The following EPHA3 variants were observed in gnomAD, a reference collection of about 807,000 sequenced individuals.
EPHA3 encodes EPH receptor A3, also known as ephrin type-A receptor 3.
Under a neutral mutation model 107.1 loss-of-function variants are expected in EPHA3, and 42 were observed. The observed-to-expected ratio is 0.39, with a 90% CI of 0.31 to 0.51. The LOEUF (loss-of-function observed/expected upper bound fraction) is 0.51, where lower values mean the gene tolerates loss of function less well. Among genes scored for constraint, EPHA3 ranks in the 20% least tolerant of loss-of-function variants. EPHA3 has a pLI of 0.78. For missense variants in EPHA3, 1,183 were observed against 1,211.2 expected, an observed-to-expected ratio of 0.98 and a Z score of 0.35; for synonymous variants, 461 against 424.8, an observed-to-expected ratio of 1.09 and a Z score of -1.05.
At chr3:89,468,605 C>A (rs1471975577) in intron 15 of EPHA3, among the ~76,000 whole-genome samples, 1 of 152,210 alleles carries the variant, frequency 6.6e-6, no homozygotes, top group Non-Finnish European at 1.5e-5. Context: ...GACAGAGAAA[C>A]TGTGGCGTGT....
chr3:89,193,374 G>A (rs1267086348), intron 2 of EPHA3, among the ~76,000 whole-genome samples: 1 of 151,912 alleles, frequency 6.6e-6, no homozygotes, highest in Non-Finnish European at 1.5e-5. Flanking sequence ...GGGAACAATT[G>A]TTACAATTTG....
intron 2 of EPHA3, among the ~76,000 whole-genome samples, chr3:89,144,438 C>G (rs1360746552): frequency 1.3e-5 from 2 of 151,670 alleles, no homozygotes; most frequent in Non-Finnish European, 2.9e-5. Context: ...ACAAAAGAAG[C>G]CTCTGTCCTT....
intron 1 of EPHA3, among the ~76,000 whole-genome samples, chr3:89,111,564 A>C (rs754264186): frequency 6.9e-6 from 1 of 144,564 alleles, no homozygotes; most frequent in Non-Finnish European, 1.5e-5. Context: ...AGGTAGGAGA[A>C]ACCTTATTTT....
chr3:89,130,704 G>C (rs1311915186), intron 2 of EPHA3, among the ~76,000 whole-genome samples: 3 of 150,194 alleles, frequency 2.0e-5, no homozygotes, highest in East Asian at 2.0e-4. Context: ...GCGCGATCTC[G>C]GCTCACTGCA....
In EPHA3 at chr3:89,356,353, ATGGAATGGCTGGG is replaced by A. The variant is rs1464633767; in HGVS notation, c.1306+14265_1306+14277del. Among the ~76,000 whole-genome samples, 13 of 150,990 alleles carry A rather than the reference ATGGAATGGCTGGG, an allele frequency of 8.6e-5. No individual in the cohort carries two copies. In the Admixed American group the frequency reaches 8.6e-4, roughly 10 times the overall value. The stretch of plus-strand genomic sequence containing the variant: ...TAGTCCTTTGGGTATATACCCAGTA[ATGGAATGGCTGGG>A]TCAAATGGTATTTCTAGTTCTAGAT... On this transcript the variant is annotated intron_variant, in intron 5 of 16. Coordinates refer to ENST00000336596, the MANE Select transcript of EPHA3 (RefSeq NM_005233.6).
chr3:89,354,624 A>G (rs1049891893), intron 5 of EPHA3, among the ~76,000 whole-genome samples: 1 of 151,250 alleles, frequency 6.6e-6, no homozygotes, highest in African/African-American at 2.4e-5. Flanking sequence ...GCACCAAAGT[A>G]AAAGAATGCC....
chr3:89,375,462 T>C (rs1237754975), intron 5 of EPHA3, among the ~76,000 whole-genome samples: 2 of 151,674 alleles, frequency 1.3e-5, no homozygotes, highest in Non-Finnish European at 2.9e-5. Flanking sequence ...TGTGGGAAAC[T>C]GGAGCTTAAT....
At chr3:89,112,414 C>T (rs1172404344) in intron 1 of EPHA3, among the ~76,000 whole-genome samples, 1 of 151,734 alleles carries the variant, frequency 6.6e-6, no homozygotes, top group Non-Finnish European at 1.5e-5. Context: ...TTATGTATTG[C>T]CTACATTTAA....
chr3:89,347,634 A>G (rs1707703691), intron 5 of EPHA3, among the ~76,000 whole-genome samples: 1 of 150,618 alleles, frequency 6.6e-6, no homozygotes, highest in Admixed American at 6.6e-5. Context: ...TGCCCTGGCC[A>G]GAACTTCCAA....
Position 89,365,826 on chromosome 3 carries a change from A to G in EPHA3, c.1306+23736A>G. On this transcript the variant is annotated intron_variant, in intron 5 of 16. Transcript: ENST00000336596. The stretch of plus-strand genomic sequence containing the variant: ...TGAAACAGAAAGCCCATTTCCCTGC[A>G]GAGCCTGCCATGCAATTTCTTCACC... 1.3e-5 allele frequency among the ~76,000 whole-genome samples: 2 copies of G among 150,712 alleles called. 1 individual carries two copies.
At chr3:89,427,247 A>G (rs563430042) in intron 11 of EPHA3, among the ~76,000 whole-genome samples, 3 of 152,060 alleles carry the variant, frequency 2.0e-5, no homozygotes, top group South Asian at 4.1e-4. Context: ...AATAAATAAG[A>G]CATAATTCCT....
chr3:89,424,398 A>T (rs1406005481), intron 11 of EPHA3, among the ~76,000 whole-genome samples: 1 of 151,434 alleles, frequency 6.6e-6, no homozygotes, highest in Non-Finnish European at 1.5e-5. Context: ...CAGCCCCCAA[A>T]CAAACACAAA....
intron 3 of EPHA3, among the ~76,000 whole-genome samples, chr3:89,268,915 A>C (rs999213428): frequency 6.6e-5 from 10 of 151,914 alleles, no homozygotes; most frequent in African/African-American, 1.9e-4. Flanking sequence ...AAAAAAAAAC[A>C]ACCTCAGGTC....
At chr3:89,224,110 T>G (rs1236034922) in intron 3 of EPHA3, among the ~76,000 whole-genome samples, 1 of 152,168 alleles carries the variant, frequency 6.6e-6, no homozygotes. Context: ...GTGGATAACT[T>G]TCTTGAACAT....
chr3:89,159,135 A>T (rs1704867140), intron 2 of EPHA3, among the ~76,000 whole-genome samples: 1 of 152,112 alleles, frequency 6.6e-6, no homozygotes, highest in Admixed American at 6.6e-5. Context: ...TTACTGATTC[A>T]TTAAGTCAAT....
chr3:89,419,082 C>A, intron 10 of EPHA3, 123 bp from the exon 11 acceptor site: 1 of 962,180 alleles, frequency 1.0e-6, no homozygotes, highest in Non-Finnish European at 1.5e-6. Flanking sequence ...CTAGAGTGTA[C>A]ATCTTGCAGG....
At chr3:89,111,515 C>CA (rs943282539) in intron 1 of EPHA3, among the ~76,000 whole-genome samples, 13 of 137,100 alleles carry the variant, frequency 9.5e-5, no homozygotes, top group Admixed American at 4.9e-4. Context: ...ACATCCCCCC[C>CA]CCACCCCGCC....
At chr3:89,400,191 T>TA in intron 7 of EPHA3, 7 of 413,688 alleles carry the variant, frequency 1.7e-5, no homozygotes, top group Middle Eastern at 1.2e-3. Flanking sequence ...TTTCTTTCTT[T>TA]CTTTTTTTTT....
intron 16 of EPHA3, among the ~76,000 whole-genome samples, chr3:89,473,823 A>G (rs1559709362): frequency 6.6e-6 from 1 of 152,146 alleles, no homozygotes; most frequent in South Asian, 2.1e-4. Context: ...TTTCCTGAAG[A>G]TAAGATGGAG....
Sources: allele counts gnomAD v4.1 joint callset (sites outside exome capture counted in the v4.1 genomes callset), GRCh38; gene constraint gnomAD v4.1.1; transcripts MANE v1.5; gene names NCBI Gene and HGNC (gene_info 2026-07-23, HGNC 2026-07-21).